The following AGAP1 variants were observed in gnomAD, a reference collection of about 807,000 sequenced individuals.
AGAP1 encodes the protein ArfGAP with GTPase domain, ankyrin repeat and PH domain 1, also known as arf-GAP with GTPase, ANK repeat and PH domain-containing protein 1.
A neutral mutation model predicts 105.3 loss-of-function variants in AGAP1; 29 were observed. The ratio of observed to expected loss-of-function variants is 0.28; its 90% CI spans 0.21 to 0.38. AGAP1 has a LOEUF of 0.38. Among genes scored for constraint, AGAP1 ranks in the 10% least tolerant of loss-of-function variants. The probability of loss-of-function intolerance (pLI) is 1.00; values close to 1 mark genes in which losing one functional copy is unlikely to be tolerated. For missense variants in AGAP1, 998 were observed against 1,165.1 expected (o/e 0.86, Z 2.09); for synonymous variants, 509 against 485.9 (o/e 1.05, Z -0.63).
At position 236,120,377 on chromosome 2, in the gene AGAP1, GAGA is replaced by G; in HGVS notation, c.2301_2303del (p.Asp768del). The G allele has an allele frequency of 6.2e-7, 1 of 1,611,620 alleles. No individual in the cohort carries two copies. Among genetic ancestry groups the G allele is most frequent in the South Asian group, 1.1e-5 (1 of 91,000 alleles). ...GAGGTGAACGAGACCTGCGGGGAGG[GAGA>G]CGGCCGCACGGCGCTGCATCTGGCC... On this transcript the variant is annotated inframe_deletion, in exon 17 of 18. Transcript: ENST00000304032. The surrounding 1 kb of genome is among the most constrained non-coding windows in gnomAD (Gnocchi z 6.0).
rs1286779410 is a variant in AGAP1, at chr2:236,003,315, G to A, written c.1646-33246G>A. On this transcript the variant is annotated intron_variant, in intron 13 of 17. Transcript: ENST00000304032. This position sits in a 1 kb window ranked among gnomAD's most constrained non-coding sequence, Gnocchi z 4.2. ...CTGCCTCAGCCTCCCAGAGTGCCAG[G>A]ATTACAAGAGTGAGCCACCACGCCC... Among the ~76,000 whole-genome samples the A allele has an allele frequency of 6.6e-6, 1 of 152,166 alleles. No homozygotes were observed. The highest frequency in any genetic ancestry group is 1.9e-4 in the East Asian group (1 of 5,196).
At chr2:235,516,035 G>A (rs948072074) in intron 1 of AGAP1, among the ~76,000 whole-genome samples, 2 of 137,980 alleles carry the variant, frequency 1.4e-5, no homozygotes, top group Non-Finnish European at 3.1e-5. Context: ...ATGGGCTCCT[G>A]TTCCTGCCGC....
intron 1 of AGAP1, among the ~76,000 whole-genome samples, chr2:235,687,182 A>G (rs1365448517): frequency 6.6e-6 from 1 of 152,216 alleles, no homozygotes; most frequent in African/African-American, 2.4e-5. Context: ...CATTGTTCTC[A>G]ACAGAAGAAT....
intron 5 of AGAP1, among the ~76,000 whole-genome samples, chr2:235,745,400 G>A (rs1016857265): frequency 8.5e-5 from 13 of 152,122 alleles, no homozygotes; most frequent in African/African-American, 2.2e-4. Flanking sequence ...GGGTCACTTC[G>A]AACTTGGTCT....
rs1417650310 is a variant in AGAP1, at chr2:236,120,226, G to A, written c.2149G>A (p.Glu717Lys). Residue 717 changes from glutamate to lysine, a missense_variant, in exon 17 of 18, where the codon GAG becomes AAG. Physicochemically the swap from Glu to Lys is moderately conservative, Grantham distance 56 (BLOSUM62 1). This residue lies in a region of AGAP1 where 235 missense variants were observed against 270.7 expected (regional missense o/e 0.87). Coordinates refer to ENST00000304032, the MANE Select transcript of AGAP1 (RefSeq NM_001037131.3). This position sits in a 1 kb window ranked among gnomAD's most constrained non-coding sequence, Gnocchi z 6.0. ...EKERWIRAKY[E>K]QKLFLAPLPC... ...GGAACGGTGGATCCGTGCCAAGTAC[G>A]AGCAGAAGCTCTTCCTGGCCCCGCT... The A allele has an allele frequency of 1.6e-5, 26 of 1,613,118 alleles. No individual in the cohort carries two copies. Among genetic ancestry groups the A allele is most frequent in the Non-Finnish European group, 2.2e-5 (26 of 1,179,484 alleles).
chr2:235,999,376 A>G (rs1277821336), intron 13 of AGAP1, among the ~76,000 whole-genome samples: 2 of 136,840 alleles, frequency 1.5e-5, no homozygotes, highest in East Asian at 2.4e-4. Flanking sequence ...GATGACCAAT[A>G]TGGTATGGTG....
rs1319928457 is a variant in AGAP1, at chr2:236,127,408, G to A, written c.*3286G>A. 1 of 152,242 alleles carries A rather than the reference G, an allele frequency of 6.6e-6. No individual in the cohort carries two copies. Among genetic ancestry groups the A allele is most frequent in the Non-Finnish European group, 1.5e-5 (1 of 68,050 alleles). 9.4% of individuals were successfully genotyped at this position (152,242 alleles called of 1,614,324 possible). The stretch of plus-strand genomic sequence containing the variant: ...CCAGGTGCAGTGTCCTGTCTCCCAA[G>A]TGTGTGCACAATGTATATATGCACT... On this transcript the variant is annotated 3_prime_UTR_variant, in exon 18 of 18. Transcript: ENST00000304032. The surrounding 1 kb of genome is among the most constrained non-coding windows in gnomAD (Gnocchi z 6.6).
intron 1 of AGAP1, among the ~76,000 whole-genome samples, chr2:235,675,575 CAG>C (rs1948695516): frequency 6.6e-6 from 1 of 152,158 alleles, no homozygotes; most frequent in Non-Finnish European, 1.5e-5. Flanking sequence ...TGATTATCTA[CAG>C]TGTTTTGTTG....
intron 8 of AGAP1, among the ~76,000 whole-genome samples, chr2:235,802,382 C>T (rs998611157): frequency 2.0e-5 from 3 of 152,220 alleles, no homozygotes; most frequent in Non-Finnish European, 4.4e-5. Flanking sequence ...ATATAATGGT[C>T]TGCCTATGGA....
At chr2:235,757,465 C>T (rs1954026139) in intron 6 of AGAP1, among the ~76,000 whole-genome samples, 1 of 152,196 alleles carries the variant, frequency 6.6e-6, no homozygotes, top group Non-Finnish European at 1.5e-5. Context: ...CTGTGTACAT[C>T]GTCCTGGTGG....
At chr2:235,681,062 G>A (rs1314442672) in intron 1 of AGAP1, among the ~76,000 whole-genome samples, 2 of 152,110 alleles carry the variant, frequency 1.3e-5, no homozygotes, top group Admixed American at 1.3e-4. Flanking sequence ...AGGCTGGAGT[G>A]CAGTGGCGCC....
At position 236,109,607 on chromosome 2, in the gene AGAP1, C is replaced by T. The variant is rs956321778; in HGVS notation, c.2115-10585C>T. On this transcript the variant is annotated intron_variant, in intron 16 of 17. Transcript: ENST00000304032. This position sits in a 1 kb window ranked among gnomAD's most constrained non-coding sequence, Gnocchi z 5.4. ...CCGGCAGCCATGGGAATGTCCTAGT[C>T]GGCAGCAGTGTCGGTGTTCTAGACC... Among the ~76,000 whole-genome samples, 16 of 148,332 alleles carry T rather than the reference C, an allele frequency of 1.1e-4. No homozygotes were observed. Among genetic ancestry groups the T allele is most frequent in the Non-Finnish European group, 2.3e-4 (15 of 65,676 alleles).
At chr2:235,841,484 C>T (rs1258027058) in intron 9 of AGAP1, among the ~76,000 whole-genome samples, 1 of 152,034 alleles carries the variant, frequency 6.6e-6, no homozygotes, top group Non-Finnish European at 1.5e-5. Context: ...AACAGATTAG[C>T]CAGGCATGGT....
At chr2:235,749,098 A>G (rs1456587238) in intron 5 of AGAP1, among the ~76,000 whole-genome samples, 1 of 152,148 alleles carries the variant, frequency 6.6e-6, no homozygotes, top group Non-Finnish European at 1.5e-5. Flanking sequence ...AATCCCAGCT[A>G]CTTGGGAGCC....
At chr2:236,099,260 G>T (rs2059280362) in intron 16 of AGAP1, among the ~76,000 whole-genome samples, 1 of 151,868 alleles carries the variant, frequency 6.6e-6, no homozygotes, top group Admixed American at 6.6e-5. Context: ...AGACTATCCT[G>T]ACTAACAGGG....
intron 6 of AGAP1, among the ~76,000 whole-genome samples, chr2:235,773,430 G>C (rs567385971): frequency 6.6e-6 from 1 of 152,296 alleles, no homozygotes; most frequent in East Asian, 1.9e-4. Context: ...GCAAATGTCT[G>C]ATTGATTGGT....
At chr2:235,562,666 C>G (rs1944197253) in intron 1 of AGAP1, among the ~76,000 whole-genome samples, 1 of 152,162 alleles carries the variant, frequency 6.6e-6, no homozygotes. Flanking sequence ...AGAGCAGGGC[C>G]CCTGGAGCCA....
rs182627399 is a variant in AGAP1, at chr2:235,919,153, A to C, written c.1324+10247A>C. ...GAGGTGCCCGGAAGAGCCTCTGTGAATTACCCGCGCCCCCTCCACCAGGGA... is the reference window on the plus strand; with the variant it reads ...GAGGTGCCCGGAAGAGCCTCTGTGACTTACCCGCGCCCCCTCCACCAGGGA... On this transcript the variant is annotated intron_variant, in intron 11 of 17. Transcript: ENST00000304032. The surrounding 1 kb of genome is among the most constrained non-coding windows in gnomAD (Gnocchi z 4.1). 6.6e-6 allele frequency among the ~76,000 whole-genome samples: 1 copy of C among 152,072 alleles called. No individual in the cohort carries two copies. The highest frequency in any genetic ancestry group is 1.9e-4 in the East Asian group (1 of 5,154).
Position 235,733,446 on chromosome 2 carries a change from C to G in AGAP1, c.311-7517C>G, listed in dbSNP as rs1952064567. 6.6e-6 allele frequency among the ~76,000 whole-genome samples: 1 copy of G among 152,174 alleles called. No homozygotes were observed. Among genetic ancestry groups the G allele is most frequent in the Admixed American group, 6.5e-5 (1 of 15,276 alleles). On this transcript the variant is annotated intron_variant, in intron 3 of 17. Coordinates refer to ENST00000304032, the MANE Select transcript of AGAP1 (RefSeq NM_001037131.3). This position sits in a 1 kb window ranked among gnomAD's most constrained non-coding sequence, Gnocchi z 5.0. ...AATCTTCCTTTTTGTTCCTTAGAGC[C>G]TGCGTTTTTTGAGGTTTATTATGTA...
Sources: gnomAD v4.1 joint callset for allele counts (sites outside exome capture counted in the v4.1 genomes callset) on GRCh38, gnomAD v4.1.1 for gene constraint, gnomAD v4.1.1 regional missense constraint, Gnocchi (gnomAD v3.1) non-coding constraint, MANE v1.5 for transcripts, NCBI Gene and HGNC (gene_info 2026-07-23, HGNC 2026-07-21) for gene names.